Variants in CGNL1 observed in about 807,000 individuals in gnomAD.
The protein encoded by CGNL1 is cingulin like 1, also known as cingulin-like protein 1.
In CGNL1, 132 loss-of-function variants were observed where a neutral mutation model predicts 141.2. The ratio of observed to expected loss-of-function variants is 0.93; its 90% CI spans 0.81 to 1.08. The LOEUF (loss-of-function observed/expected upper bound fraction) is 1.08, where lower values mean the gene tolerates loss of function less well. CGNL1 is among the 50% of genes least tolerant of loss of function. The pLI, the probability that CGNL1 is intolerant of heterozygous loss-of-function variation, is 0.00. For synonymous variants in CGNL1, 690 were observed against 622.1 expected (o/e 1.11, Z -1.63); for missense variants, 1,870 against 1,588.6 (o/e 1.18, Z -3.01).
Position 57,470,378 on chromosome 15 carries a change from C to T in CGNL1, c.2403+8486C>T, listed in dbSNP as rs532706155. 4.7e-5 allele frequency among the ~76,000 whole-genome samples: 7 copies of T among 149,288 alleles called. No individual in the cohort carries two copies. The East Asian group carries it at 1.2e-3, about 26-fold the overall frequency. ...TCTAGAGTGGTGTCCTGGGATGTTC[C>T]TTTTGAACCCATCACAGGCCCAGTG... On this transcript the variant is annotated intron_variant, in intron 8 of 18. Coordinates refer to ENST00000281282, the MANE Select transcript of CGNL1 (RefSeq NM_032866.5).
chr15:57,442,622 G>A, intron 4 of CGNL1, 144 bp downstream of exon 4: 1 of 539,960 alleles, frequency 1.9e-6, no homozygotes, highest in Non-Finnish European at 3.3e-6. Flanking sequence ...TGTTTTACAT[G>A]TTGCAGCAAC....
chr15:57,509,010 AC>A (rs1315271228), intron 8 of CGNL1, among the ~76,000 whole-genome samples: 1 of 152,100 alleles, frequency 6.6e-6, no homozygotes, highest in Non-Finnish European at 1.5e-5. Context: ...TGAATAGTTG[AC>A]CTTTGCTCAG....
At position 57,466,015 on chromosome 15, in the gene CGNL1, A is replaced by G. The variant is rs141678347; in HGVS notation, c.2403+4123A>G. Among the ~76,000 whole-genome samples, 11 of 152,334 alleles carry G rather than the reference A, an allele frequency of 7.2e-5. No individual in the cohort carries two copies. In the East Asian group the frequency reaches 2.1e-3, roughly 29 times the overall value. Reference sequence around the variant, plus strand: ...GATGGAATTCATGAATGCCTATGTTATGTGGGGTTTCCTCACCCAGCAGAA... The same window carrying G: ...GATGGAATTCATGAATGCCTATGTTGTGTGGGGTTTCCTCACCCAGCAGAA... On this transcript the variant is annotated intron_variant, in intron 8 of 18. Transcript: ENST00000281282.
At chr15:57,409,037 T>TCACACACACACACACACACA (rs59988268) in intron 1 of CGNL1, among the ~76,000 whole-genome samples, 63 of 141,830 alleles carry the variant, frequency 4.4e-4, no homozygotes, top group East Asian at 1.7e-3. Flanking sequence ...TGAGACTCTG[T>TCACACACACACACACACACA]CACACACACA....
chr15:57,452,332 T>C, intron 6 of CGNL1, 43 bp downstream of exon 6: 7 of 1,574,634 alleles, frequency 4.4e-6, no homozygotes, highest in Non-Finnish European at 6.0e-6. Context: ...CCAGGTTCTC[T>C]ATGACATGTA....
intron 4 of CGNL1, among the ~76,000 whole-genome samples, chr15:57,443,437 T>G (rs1449329602): frequency 6.6e-6 from 1 of 152,214 alleles, no homozygotes; most frequent in Non-Finnish European, 1.5e-5. Context: ...AGGGGAGTTC[T>G]GCATGGGAAG....
chr15:57,429,972 A>G (rs1281826943), intron 1 of CGNL1, among the ~76,000 whole-genome samples: 2 of 152,000 alleles, frequency 1.3e-5, no homozygotes, highest in African/African-American at 4.8e-5. Flanking sequence ...CACCACACTC[A>G]GCTAATTTTT....
Position 57,438,356 on chromosome 15 carries a change from G to T in CGNL1, c.357G>T (p.Gln119His). 6.2e-7 allele frequency: 1 copy of T among 1,614,060 alleles called. No homozygotes were observed. The highest frequency in any genetic ancestry group is 1.1e-5 in the South Asian group (1 of 91,078). ...CTAGCCCAATAAGAAACCTGAAACAGCCCCTGCTCCATGAGGGCAAGAATG... is the reference window on the plus strand; with the variant it reads ...CTAGCCCAATAAGAAACCTGAAACATCCCCTGCTCCATGAGGGCAAGAATG... ...AQPSPIRNLK[Q>H]PLLHEGKNGV... Residue 119 changes from glutamine (Q) to histidine (H), a missense_variant, in exon 2 of 19, where the codon CAG (glutamine) becomes CAT (histidine). Transcript: ENST00000281282.
At chr15:57,520,364 A>G (rs553878832) in intron 10 of CGNL1, among the ~76,000 whole-genome samples, 1 of 152,238 alleles carries the variant, frequency 6.6e-6, no homozygotes, top group Non-Finnish European at 1.5e-5. Context: ...TGAGGAAAGA[A>G]AAAAGTAACT....
At chr15:57,409,895 G>A (rs556468955) in intron 1 of CGNL1, among the ~76,000 whole-genome samples, 2 of 152,218 alleles carry the variant, frequency 1.3e-5, no homozygotes, top group South Asian at 4.1e-4. Context: ...AGGGAATGAA[G>A]AACAGGAATT....
At chr15:57,499,320 A>G (rs1053215845) in intron 8 of CGNL1, among the ~76,000 whole-genome samples, 8 of 135,550 alleles carry the variant, frequency 5.9e-5, no homozygotes, top group Non-Finnish European at 1.2e-4. Flanking sequence ...ATCTTGGCTC[A>G]CTGCAACCTC....
intron 8 of CGNL1, among the ~76,000 whole-genome samples, chr15:57,503,747 G>A (rs111668695): frequency 5.3e-5 from 8 of 152,090 alleles, no homozygotes; most frequent in South Asian, 4.1e-4. Context: ...TACATGGGGC[G>A]GCAGCAAGAG....
chr15:57,506,493 T>C (rs1286921116), intron 8 of CGNL1, among the ~76,000 whole-genome samples: 5 of 152,138 alleles, frequency 3.3e-5, no homozygotes, highest in African/African-American at 1.2e-4. Flanking sequence ...AAAGGCACAA[T>C]GGAAGGCCTA....
At chr15:57,544,695 T>C (rs1389173064) in intron 16 of CGNL1, 98 bp downstream of exon 16, 9 of 1,404,976 alleles carry the variant, frequency 6.4e-6, no homozygotes, top group Non-Finnish European at 8.7e-6. Context: ...CTGATCCTCG[T>C]AGCCTGTGAG....
intron 1 of CGNL1, among the ~76,000 whole-genome samples, chr15:57,380,572 G>A (rs2062413325): frequency 1.3e-5 from 2 of 152,116 alleles, no homozygotes; most frequent in Admixed American, 1.3e-4. Flanking sequence ...CATAAGACAT[G>A]CTTTACTTGG....
chr15:57,537,348 T>C (rs2032316159), intron 14 of CGNL1, among the ~76,000 whole-genome samples: 1 of 152,174 alleles, frequency 6.6e-6, no homozygotes, highest in Non-Finnish European at 1.5e-5. Context: ...TTTCGGGAAC[T>C]GCTCCTCAGT....
chr15:57,513,138 G>A (rs1310740826), intron 8 of CGNL1, among the ~76,000 whole-genome samples: 1 of 151,888 alleles, frequency 6.6e-6, no homozygotes, highest in Non-Finnish European at 1.5e-5. Context: ...AGTCACTCCT[G>A]GCCCCTTCCC....
At position 57,518,465 on chromosome 15, in the gene CGNL1, AG is replaced by A. The variant is rs1402659037; in HGVS notation, c.2686del (p.Ala896ProfsTer13). On this transcript the variant is annotated frameshift_variant, in exon 10 of 19. Transcript: ENST00000281282. LOFTEE classifies it high-confidence loss of function. The stretch of plus-strand genomic sequence containing the variant: ...AGAAAAAGAAGCTGTGTCAGCCAGA[AG>A]GGCCCTGGAGAATGAACTGGAGGCT... The part of the protein sequence containing the change: ...KEEKEAVSAR[R>X]ALENELEAAQ... The A allele has an allele frequency of 3.1e-6, 5 of 1,611,706 alleles. No individual in the cohort carries two copies. The highest frequency in any genetic ancestry group is 4.2e-6 in the Non-Finnish European group (5 of 1,178,932).
At chr15:57,393,914 C>T (rs1328441375) in intron 1 of CGNL1, 1 of 147,538 alleles carries the variant, frequency 6.8e-6, no homozygotes. Flanking sequence ...GTTCTAAGTA[C>T]TTAACATGTA....
Sources: gnomAD v4.1 joint callset for allele counts (sites outside exome capture counted in the v4.1 genomes callset) on GRCh38, gnomAD v4.1.1 for gene constraint, MANE v1.5 for transcripts, NCBI Gene and HGNC (gene_info 2026-07-23, HGNC 2026-07-21) for gene names.